Variants in PREX2 observed in about 807,000 individuals in gnomAD.
PREX2 encodes the protein phosphatidylinositol 3,4,5-trisphosphate-dependent Rac exchanger 2 protein.
PREX2 carries 107 observed loss-of-function variants against 203.2 expected under a neutral mutation model. The ratio of observed to expected loss-of-function variants is 0.53; its 90% confidence interval spans 0.45 to 0.62. The LOEUF (loss-of-function observed/expected upper bound fraction) is 0.62, where lower values mean the gene tolerates loss of function less well. Ranked by LOEUF, PREX2 falls within the 20% of genes least tolerant of loss-of-function variation. PREX2 has a pLI of 0.00. For synonymous variants in PREX2, 672 were observed against 663.6 expected (o/e 1.01, Z -0.19); for missense variants, 1,777 against 1,955.9 (o/e 0.91, Z 1.72).
intron 23 of PREX2, chr8:68,102,797 A>G (rs771136667): frequency 5.8e-6 from 3 of 517,276 alleles, no homozygotes; most frequent in South Asian, 4.2e-5. Flanking sequence ...CAATTATAAT[A>G]GATTTCCTGG....
intron 32 of PREX2, among the ~76,000 whole-genome samples, chr8:68,137,030 C>T (rs888626646): frequency 6.6e-6 from 1 of 151,788 alleles, no homozygotes; most frequent in Non-Finnish European, 1.5e-5. Flanking sequence ...CTCAGCCTCC[C>T]AAGTAGCTGG....
intron 8 of PREX2, among the ~76,000 whole-genome samples, chr8:68,050,926 A>G (rs1393096301): frequency 6.6e-6 from 1 of 152,160 alleles, no homozygotes; most frequent in Non-Finnish European, 1.5e-5. Context: ...ATATTAGAAC[A>G]TAGTGGAAAA....
chr8:68,206,656 G>A lies in PREX2; in HGVS notation c.4605-10960G>A, dbSNP rs182699778. On this transcript the variant is annotated intron_variant, in intron 37 of 39. Transcript: ENST00000288368. ...TTTCCTAGTATCAAAACCCAAGAGCGTATGGCAGAAGACAAATGTTTAGGA... is the reference window on the plus strand; with the variant it reads ...TTTCCTAGTATCAAAACCCAAGAGCATATGGCAGAAGACAAATGTTTAGGA... Among the ~76,000 whole-genome samples, 493 of 152,274 alleles carry A rather than the reference G, an allele frequency of 3.2e-3. 2 individuals are homozygous for A. Among genetic ancestry groups the A allele is most frequent in the African/African-American group, 0.011 (473 of 41,546 alleles).
intron 11 of PREX2, among the ~76,000 whole-genome samples, chr8:68,066,151 T>C (rs1218194607): frequency 1.3e-5 from 2 of 152,204 alleles, no homozygotes; most frequent in South Asian, 2.1e-4. Flanking sequence ...TGATTTCTTA[T>C]CTTGCTATTG....
intron 33 of PREX2, among the ~76,000 whole-genome samples, chr8:68,142,987 A>C (rs1811255703): frequency 6.6e-6 from 1 of 152,218 alleles, no homozygotes; most frequent in South Asian, 2.1e-4. Flanking sequence ...TGGCCCCTCT[A>C]TGAGTGTATA....
chr8:68,186,489 G>A (rs1812191895), intron 35 of PREX2, among the ~76,000 whole-genome samples: 2 of 152,070 alleles, frequency 1.3e-5, no homozygotes, highest in Non-Finnish European at 2.9e-5. Context: ...TTCTATCTTA[G>A]TTCTGCTATA....
chr8:68,194,935 A>T (rs1812367307), intron 37 of PREX2, among the ~76,000 whole-genome samples: 1 of 152,170 alleles, frequency 6.6e-6, no homozygotes, highest in Non-Finnish European at 1.5e-5. Flanking sequence ...CAAGGAGTCC[A>T]TTGTGGCCTC....
In PREX2 at chr8:68,083,405, A is replaced by G. The variant is rs1232976228; in HGVS notation, c.2027+17A>G. The G allele has an allele frequency of 3.2e-6, 5 of 1,573,404 alleles. No homozygotes were observed. The African/African-American group carries it at 6.8e-5, about 21-fold the overall frequency. On this transcript the variant is annotated intron_variant, in intron 18 of 39. Transcript: ENST00000288368. ...GCCAAGAGAGTAAGTTGTATGATTT[A>G]TGTGTGATTTTTTAAAAGTTATACA...
chr8:67,967,383 A>C (rs1805805975), intron 1 of PREX2, among the ~76,000 whole-genome samples: 1 of 152,158 alleles, frequency 6.6e-6, no homozygotes, highest in African/African-American at 2.4e-5. Flanking sequence ...TAAAGGTGCA[A>C]TCTTTAAAAT....
chr8:68,044,236 C>T lies in PREX2; in HGVS notation c.840-251C>T, dbSNP rs149395498. On this transcript the variant is annotated intron_variant, in intron 7 of 39. Coordinates refer to ENST00000288368, the MANE Select transcript of PREX2 (RefSeq NM_024870.4). Reference sequence around the variant, plus strand: ...TGAGCAAAAGCACATACTCACTCTCCCACCTGTGTACTATCCTTAGCTTAA... The same window carrying T: ...TGAGCAAAAGCACATACTCACTCTCTCACCTGTGTACTATCCTTAGCTTAA... Among the ~76,000 whole-genome samples the T allele has an allele frequency of 1.4e-4, 21 of 152,170 alleles. No individual in the cohort carries two copies. In the East Asian group the frequency reaches 3.9e-3, roughly 28 times the overall value.
At chr8:67,952,781 G>A in intron 1 of PREX2, 1 of 607,796 alleles carries the variant, frequency 1.6e-6, no homozygotes, top group South Asian at 1.8e-5. Flanking sequence ...TGAAAAGTTA[G>A]CTCTAGAGAA....
chr8:68,175,433 C>T (rs906613101), intron 35 of PREX2, among the ~76,000 whole-genome samples: 40 of 152,028 alleles, frequency 2.6e-4, no homozygotes, highest in African/African-American at 9.4e-4. Context: ...ACTGTGCACC[C>T]TGTGGTACCA....
At chr8:67,956,561 C>T (rs1280853369) in intron 1 of PREX2, among the ~76,000 whole-genome samples, 2 of 152,210 alleles carry the variant, frequency 1.3e-5, no homozygotes, top group Admixed American at 6.5e-5. Context: ...CCCCACAGCC[C>T]CCTGCTTTTT....
In PREX2 at chr8:68,019,583, T is replaced by C; in HGVS notation, c.248T>C (p.Val83Ala). 1.8e-5 allele frequency: 29 copies of C among 1,612,908 alleles called. 1 individual carries two copies. The highest frequency in any genetic ancestry group is 2.5e-5 in the Non-Finnish European group (29 of 1,179,088). The change falls in exon 3 of 40, where the codon GTA (valine) becomes GCA (alanine). Residue 83 changes from valine to alanine, a missense_variant. Val to Ala is a moderately conservative substitution (Grantham distance 64). Coordinates refer to ENST00000288368, the MANE Select transcript of PREX2 (RefSeq NM_024870.4). ...LFSNIEDILA[V>A]HKEFLKVVEE... Reference sequence around the variant, plus strand: ...TCAAACATTGAAGACATCCTTGCAGTACATAAAGAATTCTTAAAAGTCGTG... The same window carrying C: ...TCAAACATTGAAGACATCCTTGCAGCACATAAAGAATTCTTAAAAGTCGTG...
intron 7 of PREX2, among the ~76,000 whole-genome samples, chr8:68,038,633 A>G (rs908653192): frequency 1.3e-5 from 2 of 151,864 alleles, no homozygotes; most frequent in African/African-American, 2.4e-5. Context: ...TTGTTTCCCA[A>G]TCATTTCCCC....
intron 35 of PREX2, among the ~76,000 whole-genome samples, chr8:68,190,454 G>T (rs1262477611): frequency 2.6e-5 from 4 of 152,174 alleles, no homozygotes; most frequent in Non-Finnish European, 5.9e-5. Flanking sequence ...GATGGAGCTG[G>T]AGGCATTATC....
At chr8:68,148,270 A>G (rs775225344) in intron 34 of PREX2, among the ~76,000 whole-genome samples, 1 of 152,170 alleles carries the variant, frequency 6.6e-6, no homozygotes, top group Non-Finnish European at 1.5e-5. Flanking sequence ...ATAAATAAAT[A>G]GCCACTACAG....
At chr8:68,148,456 C>G (rs773764543) in intron 34 of PREX2, among the ~76,000 whole-genome samples, 6 of 152,136 alleles carry the variant, frequency 3.9e-5, no homozygotes, top group Non-Finnish European at 5.9e-5. Flanking sequence ...ACAGATGGCA[C>G]TAAGCATCTT....
intron 35 of PREX2, among the ~76,000 whole-genome samples, chr8:68,176,146 T>C (rs543460510): frequency 1.3e-5 from 2 of 152,300 alleles, no homozygotes; most frequent in African/African-American, 4.8e-5. Flanking sequence ...CTTCATGTAC[T>C]TGAGATACCA....
Sources: allele counts gnomAD v4.1 joint callset (sites outside exome capture counted in the v4.1 genomes callset), GRCh38; gene constraint gnomAD v4.1.1; transcripts MANE v1.5; gene names NCBI Gene and HGNC (gene_info 2026-07-23, HGNC 2026-07-21).